Variants in SEMA3E observed in about 807,000 individuals in gnomAD.
SEMA3E encodes the protein semaphorin-3E.
In SEMA3E, 49 loss-of-function variants were observed where a neutral mutation model predicts 93.6. The ratio of observed to expected loss-of-function variants is 0.52; its 90% CI spans 0.42 to 0.66. SEMA3E has a LOEUF of 0.66. Ranked by LOEUF, SEMA3E falls within the 30% of genes least tolerant of loss-of-function variation. The pLI, the probability that SEMA3E is intolerant of heterozygous loss-of-function variation, is 0.00. For synonymous variants in SEMA3E, 363 were observed against 330.7 expected (o/e 1.10, Z -1.06); for missense variants, 906 against 964.8 (o/e 0.94, Z 0.81).
chr7:83,431,993 C>A (rs960574944), intron 4 of SEMA3E, among the ~76,000 whole-genome samples: 2 of 149,628 alleles, frequency 1.3e-5, no homozygotes, highest in Non-Finnish European at 3.0e-5. Context: ...AATCCAGCTA[C>A]CATGTTAAGA....
chr7:83,603,452 G>T (rs1193138319), intron 1 of SEMA3E, among the ~76,000 whole-genome samples: 1 of 152,056 alleles, frequency 6.6e-6, no homozygotes, highest in East Asian at 1.9e-4. Flanking sequence ...GGGATGAGAG[G>T]AGGAAGCTTT....
chr7:83,608,981 G>A (rs893856933), intron 1 of SEMA3E, among the ~76,000 whole-genome samples: 3 of 152,050 alleles, frequency 2.0e-5, no homozygotes, highest in African/African-American at 7.2e-5. Flanking sequence ...AAAGCCATCT[G>A]ACAAATCTCT....
intron 4 of SEMA3E, among the ~76,000 whole-genome samples, chr7:83,442,802 C>A (rs1043782180): frequency 6.6e-6 from 1 of 152,094 alleles, no homozygotes; most frequent in African/African-American, 2.4e-5. Context: ...TGAGAGTTTA[C>A]CAGAACTTCT....
intron 1 of SEMA3E, among the ~76,000 whole-genome samples, chr7:83,611,356 G>A (rs1256501846): frequency 2.1e-5 from 3 of 139,856 alleles, no homozygotes; most frequent in Non-Finnish European, 1.5e-5. Context: ...TAATATATGT[G>A]TAAATTTATA....
intron 1 of SEMA3E, among the ~76,000 whole-genome samples, chr7:83,543,339 T>C (rs1391895256): frequency 6.6e-6 from 1 of 150,714 alleles, no homozygotes; most frequent in African/African-American, 2.4e-5. Context: ...AAAGCAGCAA[T>C]AAAATAAAAC....
intron 1 of SEMA3E, among the ~76,000 whole-genome samples, chr7:83,573,336 C>G (rs1280461152): frequency 6.6e-6 from 1 of 151,148 alleles, no homozygotes; most frequent in African/African-American, 2.4e-5. Context: ...TTTCAACTAT[C>G]CTAATATTGA....
intron 1 of SEMA3E, among the ~76,000 whole-genome samples, chr7:83,601,559 T>A (rs368055702): frequency 6.6e-6 from 1 of 152,290 alleles, no homozygotes; most frequent in East Asian, 1.9e-4. Flanking sequence ...GTTTTGCATA[T>A]CTGACCCAAG....
chr7:83,572,793 T>C (rs1473923370), intron 1 of SEMA3E, among the ~76,000 whole-genome samples: 2 of 152,088 alleles, frequency 1.3e-5, no homozygotes, highest in Non-Finnish European at 2.9e-5. Flanking sequence ...TCCTATTCAA[T>C]AAATAGTGCT....
At chr7:83,489,396 T>G (rs1393801419) in intron 2 of SEMA3E, among the ~76,000 whole-genome samples, 1 of 138,164 alleles carries the variant, frequency 7.2e-6, no homozygotes, top group Non-Finnish European at 1.5e-5. Flanking sequence ...TGCTTTGTCA[T>G]AATTAAAAAA....
intron 16 of SEMA3E, among the ~76,000 whole-genome samples, chr7:83,375,420 C>T (rs1351775485): frequency 2.0e-5 from 3 of 152,092 alleles, no homozygotes; most frequent in African/African-American, 4.8e-5. Flanking sequence ...GGCAACATCT[C>T]AGTGTAGGGT....
intron 16 of SEMA3E, among the ~76,000 whole-genome samples, chr7:83,380,102 T>G (rs1465378439): frequency 6.6e-6 from 1 of 151,902 alleles, no homozygotes; most frequent in African/African-American, 2.4e-5. Context: ...CAAACGTGCT[T>G]CTTCTCCTGT....
intron 1 of SEMA3E, among the ~76,000 whole-genome samples, chr7:83,628,840 G>A (rs1160715243): frequency 6.6e-6 from 1 of 152,032 alleles, no homozygotes; most frequent in East Asian, 2.0e-4. Flanking sequence ...GCGAGGAGTT[G>A]TGATCCTTTG....
chr7:83,423,999 T>A (rs1355336258), intron 4 of SEMA3E, among the ~76,000 whole-genome samples: 1 of 152,160 alleles, frequency 6.6e-6, no homozygotes, highest in Non-Finnish European at 1.5e-5. Context: ...ATTAGCCCAT[T>A]AATTTTTTTA....
intron 4 of SEMA3E, among the ~76,000 whole-genome samples, chr7:83,459,431 G>A (rs1272907268): frequency 6.6e-6 from 1 of 152,154 alleles, no homozygotes; most frequent in Non-Finnish European, 1.5e-5. Context: ...TGCATCACAA[G>A]AGGTAAATAT....
intron 16 of SEMA3E, among the ~76,000 whole-genome samples, chr7:83,374,698 A>C (rs1227152134): frequency 1.3e-5 from 2 of 152,158 alleles, no homozygotes; most frequent in African/African-American, 4.8e-5. Context: ...AATATAATAC[A>C]TTTACTTTTA....
intron 1 of SEMA3E, among the ~76,000 whole-genome samples, chr7:83,604,465 T>C (rs1443533553): frequency 6.7e-6 from 1 of 149,976 alleles, no homozygotes; most frequent in African/African-American, 2.4e-5. Flanking sequence ...ATTTTAAAAT[T>C]AACAATTTTA....
intron 1 of SEMA3E, among the ~76,000 whole-genome samples, chr7:83,534,608 G>A (rs1399054252): frequency 6.6e-6 from 1 of 152,144 alleles, no homozygotes; most frequent in African/African-American, 2.4e-5. Context: ...TGGTCTACAG[G>A]AAGAGTCAGT....
At chr7:83,597,346 T>C (rs1419552159) in intron 1 of SEMA3E, among the ~76,000 whole-genome samples, 8 of 152,218 alleles carry the variant, frequency 5.3e-5, no homozygotes, top group African/African-American at 1.9e-4. Flanking sequence ...TACTCTTTTA[T>C]GATAATTATT....
At chr7:83,509,488 A>G (rs1790768441) in intron 1 of SEMA3E, among the ~76,000 whole-genome samples, 1 of 152,194 alleles carries the variant, frequency 6.6e-6, no homozygotes, top group African/African-American at 2.4e-5. Context: ...CCAAAAGTCT[A>G]GGTAATTTGG....
Sources: allele counts gnomAD v4.1 joint callset (sites outside exome capture counted in the v4.1 genomes callset), GRCh38; gene constraint gnomAD v4.1.1; transcripts MANE v1.5; gene names NCBI Gene and HGNC (gene_info 2026-07-23, HGNC 2026-07-21).